The following PAX5 variants were observed in gnomAD, a reference collection of about 807,000 sequenced individuals.
PAX5 encodes paired box 5, also known as paired box protein Pax-5.
A neutral mutation model predicts 43.7 loss-of-function variants in PAX5; 9 were observed. The observed-to-expected ratio is 0.21, with a 90% CI of 0.12 to 0.36. The LOEUF (loss-of-function observed/expected upper bound fraction) is 0.36, where lower values mean the gene tolerates loss of function less well. Ranked by LOEUF, PAX5 falls within the 10% of genes least tolerant of loss-of-function variation. PAX5 has a pLI of 1.00. For missense variants in PAX5, 383 were observed against 532.7 expected, an observed-to-expected ratio of 0.72 and a Z score of 2.77; for synonymous variants, 228 against 214.3, an observed-to-expected ratio of 1.06 and a Z score of -0.56.
chr9:36,976,686 C>A (rs1835462143), intron 5 of PAX5, among the ~76,000 whole-genome samples: 1 of 152,220 alleles, frequency 6.6e-6, no homozygotes, highest in Admixed American at 6.5e-5. Flanking sequence ...TTGTTTCACT[C>A]AATCTTTCTT....
intron 5 of PAX5, among the ~76,000 whole-genome samples, chr9:36,974,534 C>T (rs373121903): frequency 2.0e-5 from 3 of 152,124 alleles, no homozygotes; most frequent in Non-Finnish European, 1.5e-5. Flanking sequence ...AAAGTGGCAA[C>T]GCTGGGATTT....
chr9:36,981,026 A>T (rs1295545719), intron 5 of PAX5, among the ~76,000 whole-genome samples: 1 of 152,004 alleles, frequency 6.6e-6, no homozygotes, highest in Non-Finnish European at 1.5e-5. Flanking sequence ...AGGGTTCCAC[A>T]GTCATGCCAA....
chr9:36,933,582 G>T (rs534562973), intron 6 of PAX5, among the ~76,000 whole-genome samples: 1 of 152,306 alleles, frequency 6.6e-6, no homozygotes, highest in Admixed American at 6.5e-5. Flanking sequence ...GTTAGAGTTG[G>T]AGGGGACTTT....
intron 9 of PAX5, among the ~76,000 whole-genome samples, chr9:36,842,045 C>G (rs969036060): frequency 2.0e-5 from 3 of 152,178 alleles, no homozygotes; most frequent in East Asian, 3.9e-4. Context: ...CCCCATCACC[C>G]CAAGGAGGCA....
At chr9:36,949,840 T>A (rs893553278) in intron 6 of PAX5, among the ~76,000 whole-genome samples, 1 of 152,148 alleles carries the variant, frequency 6.6e-6, no homozygotes, top group East Asian at 1.9e-4. Context: ...AATTCCACAT[T>A]ATCTGCCCAA....
chr9:36,910,430 T>C (rs1294207208), intron 7 of PAX5, among the ~76,000 whole-genome samples: 1 of 152,210 alleles, frequency 6.6e-6, no homozygotes, highest in Non-Finnish European at 1.5e-5. Context: ...GGATGAGCTA[T>C]TCTGTATATA....
chr9:36,977,040 AC>A (rs1487393205), intron 5 of PAX5, among the ~76,000 whole-genome samples: 4 of 152,094 alleles, frequency 2.6e-5, no homozygotes, highest in Non-Finnish European at 5.9e-5. Context: ...CCCGTCCCCT[AC>A]TGGAGGATGA....
rs539221828 is a variant in PAX5, at chr9:36,982,991, T to C, written c.605-16267A>G. On this transcript the variant is annotated intron_variant, in intron 5 of 9. Transcript: ENST00000358127. The stretch of plus-strand genomic sequence containing the variant: ...ATGGGGGAGGAAGTATGGCATTTAA[T>C]GGATGGGGCCAGGGATGCTACCCAG... Among the ~76,000 whole-genome samples the C allele has an allele frequency of 7.2e-5, 11 of 152,286 alleles. No individual in the cohort carries two copies. In the East Asian group the frequency reaches 1.2e-3, roughly 16 times the overall value.
chr9:36,874,818 G>T (rs536475491), intron 8 of PAX5, among the ~76,000 whole-genome samples: 1 of 152,160 alleles, frequency 6.6e-6, no homozygotes, highest in Non-Finnish European at 1.5e-5. Context: ...TGCCTGCTAG[G>T]CTTCTCTGTT....
At chr9:36,997,784 T>G (rs1293111505) in intron 5 of PAX5, among the ~76,000 whole-genome samples, 1 of 152,218 alleles carries the variant, frequency 6.6e-6, no homozygotes, top group Non-Finnish European at 1.5e-5. Context: ...GAACCGGGGC[T>G]GTGCCGAGAG....
Position 37,020,712 on chromosome 9 carries a change from G to A in PAX5, c.136C>T (p.His46Tyr), listed in dbSNP as rs1288960060. 6.2e-7 allele frequency: 1 copy of A among 1,614,174 alleles called. No homozygotes were observed. Among genetic ancestry groups the A allele is most frequent in the Non-Finnish European group, 8.5e-7 (1 of 1,180,038 alleles). Reference sequence around the variant, plus strand: ...ATGTCGCAGGGCCTGACACCTTGATGAGCAAGTTCCACTATCCTCTGGCGG... The same window carrying A: ...ATGTCGCAGGGCCTGACACCTTGATAAGCAAGTTCCACTATCCTCTGGCGG... ...VVRQRIVELA[H>Y]QGVRPCDISR... is the part of the protein sequence containing the mutation. The change falls in exon 2 of 10, where the codon CAT (histidine) becomes TAT (tyrosine). Residue 46 changes from histidine to tyrosine, a missense_variant. Coordinates refer to ENST00000358127, the MANE Select transcript of PAX5 (RefSeq NM_016734.3).
intron 8 of PAX5, among the ~76,000 whole-genome samples, chr9:36,848,350 C>CCACACACA (rs55793420): frequency 0.022 from 2,977 of 136,398 alleles, 56 homozygotes; most frequent in East Asian, 0.064. Flanking sequence ...CAGAGCGTGT[C>CCACACACA]CACACACACA....
At chr9:36,950,260 A>G (rs867532149) in intron 6 of PAX5, among the ~76,000 whole-genome samples, 54 of 152,352 alleles carry the variant, frequency 3.5e-4, no homozygotes, top group African/African-American at 1.3e-3. Context: ...CACCTTCTTA[A>G]AAGCATTGAC....
rs139680825 is a variant in PAX5 at position 36,909,006 on chromosome 9, C to T, written c.910+14349G>A. Among the ~76,000 whole-genome samples the T allele has an allele frequency of 2.0e-4, 31 of 152,304 alleles. 1 individual carries two copies. In the South Asian group the frequency reaches 2.5e-3, roughly 12 times the overall value. ...GAAAGCAAATCATATTTTTCTTCTA[C>T]GTGCATTTTAATTACGAAGATGCTT... is the stretch of plus-strand genomic sequence containing the variant. On this transcript the variant is annotated intron_variant, in intron 7 of 9. Transcript: ENST00000358127.
At chr9:36,859,213 G>A (rs1823956558) in intron 8 of PAX5, among the ~76,000 whole-genome samples, 1 of 152,142 alleles carries the variant, frequency 6.6e-6, no homozygotes, top group Non-Finnish European at 1.5e-5. Context: ...ATCAGACACG[G>A]TCCCTGCCCA....
rs530363881 is a variant in PAX5, at chr9:36,922,844, T to A, written c.910+511A>T. ...CTCCAGGACCCACACTCCCAATCTC[T>A]ACACAGACAGCTAAAGAGTCTGGCC... On this transcript the variant is annotated intron_variant, in intron 7 of 9. Coordinates refer to ENST00000358127, the MANE Select transcript of PAX5 (RefSeq NM_016734.3). The A allele has an allele frequency of 1.7e-3, 268 of 155,764 alleles. 2 individuals are homozygous for A. The highest frequency in any genetic ancestry group is 3.0e-3 in the Non-Finnish European group (211 of 70,230). 9.6% of individuals were successfully genotyped at this position (155,764 alleles called of 1,614,324 possible).
At position 36,968,912 on chromosome 9, in the gene PAX5, C is replaced by T. The variant is rs112841512; in HGVS notation, c.605-2188G>A. On this transcript the variant is annotated intron_variant, in intron 5 of 9. Coordinates refer to ENST00000358127, the MANE Select transcript of PAX5 (RefSeq NM_016734.3). Reference sequence around the variant, plus strand: ...CCTTTTCTCAAAGGTTCTATGCACACACACACATGCACACACACATGCACA... The same window carrying T: ...CCTTTTCTCAAAGGTTCTATGCACATACACACATGCACACACACATGCACA... Among the ~76,000 whole-genome samples, 1,173 of 152,200 alleles carry T rather than the reference C, an allele frequency of 7.7e-3. 13 individuals are homozygous for T. Among genetic ancestry groups the T allele is most frequent in the African/African-American group, 0.028 (1,149 of 41,554 alleles).
chr9:36,973,313 C>T (rs982856459), intron 5 of PAX5, among the ~76,000 whole-genome samples: 1 of 152,172 alleles, frequency 6.6e-6, no homozygotes, highest in Non-Finnish European at 1.5e-5. Context: ...AGGCCTCTGG[C>T]ACTGCCTGCA....
intron 7 of PAX5, among the ~76,000 whole-genome samples, chr9:36,917,310 AT>A (rs1194178873): frequency 1.3e-5 from 2 of 152,092 alleles, no homozygotes; most frequent in African/African-American, 2.4e-5. Flanking sequence ...TTCAACTCAA[AT>A]TTCTTGCCAG....
Sources: allele counts gnomAD v4.1 joint callset (sites outside exome capture counted in the v4.1 genomes callset), GRCh38; gene constraint gnomAD v4.1.1; transcripts MANE v1.5; gene names NCBI Gene and HGNC (gene_info 2026-07-23, HGNC 2026-07-21).